The following MTCL1 variants were observed in gnomAD, a reference collection of about 807,000 sequenced individuals.
The protein encoded by MTCL1 is microtubule cross-linking factor 1.
A neutral mutation model predicts 141.4 loss-of-function variants in MTCL1; 79 were observed. That is an observed-to-expected ratio of 0.56 (90% CI 0.47 to 0.67). MTCL1 has a LOEUF of 0.67. Among genes scored for constraint, MTCL1 ranks in the 30% least tolerant of loss-of-function variants. The pLI is 0.00. For missense variants in MTCL1, 2,177 were observed against 2,113.9 expected, an observed-to-expected ratio of 1.03 and a Z score of -0.59; for synonymous variants, 914 against 875.8, an observed-to-expected ratio of 1.04 and a Z score of -0.77.
At chr18:8,769,677 A>G (rs1038043376) in intron 4 of MTCL1, among the ~76,000 whole-genome samples, 9 of 152,078 alleles carry the variant, frequency 5.9e-5, no homozygotes, top group Non-Finnish European at 1.2e-4. Context: ...CTGACCTTCC[A>G]CTTGCTGGCC....
At chr18:8,764,538 G>A (rs954713632) in intron 4 of MTCL1, among the ~76,000 whole-genome samples, 2 of 152,014 alleles carry the variant, frequency 1.3e-5, no homozygotes, top group Admixed American at 1.3e-4. Flanking sequence ...GGCTGGTCTC[G>A]AACTCTTGAC....
rs370154697 is a variant in MTCL1, at chr18:8,825,936, C to T, written c.4426C>T (p.Arg1476Ter). The T allele has an allele frequency of 6.9e-6, 11 of 1,604,870 alleles. No homozygotes were observed. Among genetic ancestry groups the T allele is most frequent in the South Asian group, 1.1e-5 (1 of 89,250 alleles). ...CAGTCGGTCTCGCTCAGCAGAGCCCCGACCAGAGCTGGGCCCAGGCCAGGA... is the reference window on the plus strand; with the variant it reads ...CAGTCGGTCTCGCTCAGCAGAGCCCTGACCAGAGCTGGGCCCAGGCCAGGA... The change falls in exon 15 of 17, where the codon CGA becomes TGA. Residue 1476 changes from arginine to a stop codon, truncating the protein, a stop_gained. Transcript: ENST00000359865. LOFTEE classifies it high-confidence loss of function.
chr18:8,736,656 G>A (rs1424481368), intron 4 of MTCL1, among the ~76,000 whole-genome samples: 2 of 76,648 alleles, frequency 2.6e-5, no homozygotes, highest in African/African-American at 1.0e-4. Context: ...TTTTTTTTTT[G>A]AGATGGAGTC....
At chr18:8,778,976 A>G (rs1362209278) in intron 5 of MTCL1, among the ~76,000 whole-genome samples, 1 of 152,168 alleles carries the variant, frequency 6.6e-6, no homozygotes, top group African/African-American at 2.4e-5. Context: ...GGTACCTGGG[A>G]TGCGTTGAGC....
chr18:8,713,621 A>G (rs2096107929), upstream of MTCL1, among the ~76,000 whole-genome samples: 1 of 152,222 alleles, frequency 6.6e-6, no homozygotes, highest in Non-Finnish European at 1.5e-5. Flanking sequence ...TACATGGTTT[A>G]TAATTTGCTT....
chr18:8,712,607 G>A (rs1309048916), upstream of MTCL1, among the ~76,000 whole-genome samples: 2 of 152,176 alleles, frequency 1.3e-5, no homozygotes, highest in African/African-American at 2.4e-5. Flanking sequence ...TACCCACTCT[G>A]TATTCAGCCA....
chr18:8,832,462 C>T (rs1385452782), exon 17 of MTCL1: 1 of 153,424 alleles, frequency 6.5e-6, no homozygotes, highest in African/African-American at 2.4e-5. Flanking sequence ...GCTTGCACGT[C>T]TTCGGGTGCA....
intron 11 of MTCL1, among the ~76,000 whole-genome samples, chr18:8,812,001 T>C (rs73398465): frequency 0.012 from 1,797 of 152,360 alleles, 39 homozygotes; most frequent in African/African-American, 0.041. Flanking sequence ...TCATGCTGCC[T>C]GAGGAAATTG....
exon 6 of MTCL1, chr18:8,784,568 G>A: frequency 6.2e-7 from 1 of 1,609,476 alleles, no homozygotes; most frequent in South Asian, 1.1e-5. Context: ...GGGGCTGCGG[G>A]GTGGTGCGCC....
intron 4 of MTCL1, among the ~76,000 whole-genome samples, chr18:8,745,360 A>G (rs1203164868): frequency 6.6e-6 from 1 of 152,016 alleles, no homozygotes; most frequent in Non-Finnish European, 1.5e-5. Flanking sequence ...AGTTTTCCTT[A>G]TTTTTGAATA....
At chr18:8,742,514 G>A (rs1408954867) in intron 4 of MTCL1, among the ~76,000 whole-genome samples, 3 of 152,144 alleles carry the variant, frequency 2.0e-5, no homozygotes, top group Non-Finnish European at 4.4e-5. Context: ...AAAGGGGGAA[G>A]CCCCTTATAA....
At chr18:8,797,832 G>A (rs1210732340) in intron 9 of MTCL1, among the ~76,000 whole-genome samples, 1 of 152,170 alleles carries the variant, frequency 6.6e-6, no homozygotes, top group Non-Finnish European at 1.5e-5. Context: ...TAAAACCATA[G>A]CTATTAGCAA....
chr18:8,824,739 A>T (rs1166023223), exon 15 of MTCL1: 2 of 1,613,882 alleles, frequency 1.2e-6, no homozygotes, highest in Non-Finnish European at 1.7e-6. Context: ...CCAGCGTCTA[A>T]TGGACATCTC....
In MTCL1 at chr18:8,777,963, G is replaced by GT. The variant is rs1483534764; in HGVS notation, c.417+72dup. The GT allele has an allele frequency of 8.4e-6, 12 of 1,435,280 alleles. No individual in the cohort carries two copies. The East Asian group carries it at 2.3e-4, about 27-fold the overall frequency. 88.9% of individuals were successfully genotyped at this position (1,435,280 alleles called of 1,614,324 possible). ...GTCAACTCATTTTGAATGTTTTTCA[G>GT]TAAGTGTTAGCTTTGCCTTTAAAAC... On this transcript the variant is annotated intron_variant, in intron 5 of 16. Coordinates refer to ENST00000359865, the Ensembl canonical transcript of MTCL1.
intron 4 of MTCL1, among the ~76,000 whole-genome samples, chr18:8,721,387 C>T (rs1472686166): frequency 6.6e-6 from 1 of 152,206 alleles, no homozygotes; most frequent in East Asian, 1.9e-4. Flanking sequence ...TAGGGTTGTG[C>T]ATGTGCAGTG....
In MTCL1 at chr18:8,710,749, A is replaced by C. The variant is rs1016263075; in HGVS notation, c.1053+4036A>C. 2.7e-4 allele frequency among the ~76,000 whole-genome samples: 41 copies of C among 151,338 alleles called. 1 individual carries two copies. The highest frequency in any genetic ancestry group is 9.7e-4 in the African/African-American group (40 of 41,240). Reference sequence around the variant, plus strand: ...GAGCAATAAATGGGGGCAGGGAGTAAAGCTTGGGAACTAGTCTATGTTAGG... The same window carrying C: ...GAGCAATAAATGGGGGCAGGGAGTACAGCTTGGGAACTAGTCTATGTTAGG... On this transcript the variant is annotated intron_variant, in intron 1 of 13. Coordinates refer to the MTCL1 transcript ENST00000306329.
intron 1 of MTCL1, 40 bp downstream of exon 1, chr18:8,706,753 C>T (rs779887916): frequency 3.0e-5 from 46 of 1,540,106 alleles, no homozygotes; most frequent in Admixed American, 4.0e-5. Flanking sequence ...GGGGCGCCCC[C>T]GGAGGGCCTG....
chr18:8,825,263 G>C (rs775083563), exon 15 of MTCL1: 4 of 1,585,024 alleles, frequency 2.5e-6, no homozygotes, highest in Non-Finnish European at 3.4e-6. Flanking sequence ...ACTATGTGGA[G>C]GGGGCACGGC....
intron 4 of MTCL1, among the ~76,000 whole-genome samples, chr18:8,756,741 C>T (rs912233714): frequency 4.6e-5 from 7 of 152,158 alleles, no homozygotes; most frequent in African/African-American, 1.7e-4. Flanking sequence ...ATTGTCAGTT[C>T]TGAGCATCTG....
Sources: gnomAD v4.1 joint callset for allele counts (sites outside exome capture counted in the v4.1 genomes callset) on GRCh38, gnomAD v4.1.1 for gene constraint, MANE v1.5 for transcripts, NCBI Gene and HGNC (gene_info 2026-07-23, HGNC 2026-07-21) for gene names.